ULK4: variants seen among roughly 807,000 people sequenced by gnomAD.
ULK4 encodes the protein inactive serine/threonine-protein kinase ULK4.
Under a neutral mutation model 160.6 loss-of-function variants are expected in ULK4, and 133 were observed. The ratio of observed to expected loss-of-function variants is 0.83; its 90% CI spans 0.72 to 0.96. The LOEUF is 0.96. Among genes scored for constraint, ULK4 ranks in the 40% least tolerant of loss-of-function variants. ULK4 has a pLI of 0.00. For missense variants in ULK4, 1,580 were observed against 1,499.5 expected (o/e 1.05, Z -0.89); for synonymous variants, 534 against 539.8 (o/e 0.99, Z 0.15).
chr3:41,958,490 T>G (rs1307089806), intron 1 of ULK4, among the ~76,000 whole-genome samples: 1 of 149,968 alleles, frequency 6.7e-6, no homozygotes, highest in African/African-American at 2.5e-5. Context: ...TCGCCTGAGG[T>G]CACAAGTTCA....
intron 35 of ULK4, among the ~76,000 whole-genome samples, chr3:41,288,636 A>G (rs2079506272): frequency 6.6e-6 from 1 of 152,190 alleles, no homozygotes; most frequent in African/African-American, 2.4e-5. Context: ...TCTTCTAGGA[A>G]ATACAATTTA....
At chr3:41,254,676 G>A (rs2078800581) in intron 35 of ULK4, among the ~76,000 whole-genome samples, 2 of 152,108 alleles carry the variant, frequency 1.3e-5, no homozygotes, top group Non-Finnish European at 2.9e-5. Flanking sequence ...GAGGTCAGGA[G>A]ATTGAGACCA....
At chr3:41,865,271 TAAAAAAAAAAAAAAAAAAAAA>T (rs55741060) in intron 17 of ULK4, among the ~76,000 whole-genome samples, 125 of 29,882 alleles carry the variant, frequency 4.2e-3, no homozygotes, top group Admixed American at 3.4e-3. Context: ...ACTCTGTCTT[TAAAAAAAAAAAAAAAAAAAAA>T]AAAAAAAAAA....
chr3:41,322,406 C>T (rs141873218), intron 35 of ULK4, among the ~76,000 whole-genome samples: 2 of 152,318 alleles, frequency 1.3e-5, no homozygotes, highest in African/African-American at 4.8e-5. Context: ...TTATGCCCCT[C>T]AGACAAATTT....
At chr3:41,921,355 T>C (rs1699173910) in intron 5 of ULK4, among the ~76,000 whole-genome samples, 1 of 151,996 alleles carries the variant, frequency 6.6e-6, no homozygotes, top group South Asian at 2.1e-4. Context: ...CTCACACCTG[T>C]AATCCCAGCA....
At chr3:41,634,712 T>C (rs1333940246) in intron 30 of ULK4, among the ~76,000 whole-genome samples, 1 of 152,192 alleles carries the variant, frequency 6.6e-6, no homozygotes, top group Non-Finnish European at 1.5e-5. Context: ...ACATGGAAAC[T>C]GAGTCAAGGG....
chr3:41,453,121 A>G (rs1239582941), intron 34 of ULK4, among the ~76,000 whole-genome samples: 2 of 152,296 alleles, frequency 1.3e-5, no homozygotes, highest in Non-Finnish European at 2.9e-5. Context: ...CACTAATAGA[A>G]TCTAGCTCAT....
At chr3:41,884,441 G>A (rs1469705144) in intron 16 of ULK4, among the ~76,000 whole-genome samples, 2 of 152,142 alleles carry the variant, frequency 1.3e-5, no homozygotes, top group African/African-American at 4.8e-5. Context: ...ATTGTTATTT[G>A]CATAAACACT....
At chr3:41,336,136 G>A (rs1202500726) in intron 35 of ULK4, among the ~76,000 whole-genome samples, 1 of 152,204 alleles carries the variant, frequency 6.6e-6, no homozygotes, top group African/African-American at 2.4e-5. Context: ...GTAAGTGAGA[G>A]AATGAGGGCT....
intron 34 of ULK4, among the ~76,000 whole-genome samples, chr3:41,432,935 GTA>G (rs751899983): frequency 4.0e-5 from 6 of 151,624 alleles, no homozygotes; most frequent in Non-Finnish European, 8.8e-5. Flanking sequence ...GTGGGTGACT[GTA>G]TTTATAACCC....
intron 35 of ULK4, among the ~76,000 whole-genome samples, chr3:41,289,469 AT>A (rs1319723593): frequency 6.6e-6 from 1 of 152,258 alleles, no homozygotes; most frequent in Non-Finnish European, 1.5e-5. Context: ...ATAGAGCATT[AT>A]TGAAAATATC....
rs573310042 is a variant in ULK4 at position 41,832,994 on chromosome 3, T to C, written c.1764+2870A>G. Among the ~76,000 whole-genome samples, 48 of 152,292 alleles carry C rather than the reference T, an allele frequency of 3.2e-4. No individual in the cohort carries two copies. The South Asian group carries it at 9.9e-3, about 32-fold the overall frequency. On this transcript the variant is annotated intron_variant, in intron 18 of 36. Transcript: ENST00000301831. Reference sequence around the variant, plus strand: ...TGCCTCCAGCTTTGTTCTTTTCGCTTAGGATTGTCTTGGCTATATGGGCTC... The same window carrying C: ...TGCCTCCAGCTTTGTTCTTTTCGCTCAGGATTGTCTTGGCTATATGGGCTC...
chr3:41,927,567 A>G (rs1699430091), intron 5 of ULK4, among the ~76,000 whole-genome samples: 3 of 151,624 alleles, frequency 2.0e-5, no homozygotes, highest in South Asian at 4.2e-4. Flanking sequence ...TTGAATGAAG[A>G]GTTAAGACCC....
At chr3:41,430,001 T>G (rs2082866587) in intron 34 of ULK4, among the ~76,000 whole-genome samples, 1 of 152,204 alleles carries the variant, frequency 6.6e-6, no homozygotes, top group Non-Finnish European at 1.5e-5. Context: ...GAAAAATACA[T>G]GAAATCCTCT....
At chr3:41,591,868 C>G (rs2125646606) in intron 31 of ULK4, among the ~76,000 whole-genome samples, 1 of 152,292 alleles carries the variant, frequency 6.6e-6, no homozygotes, top group Middle Eastern at 3.4e-3. Flanking sequence ...AGCCATCTCA[C>G]TAATAATAGA....
intron 18 of ULK4, among the ~76,000 whole-genome samples, chr3:41,825,538 G>C (rs147182880): frequency 6.6e-6 from 1 of 152,196 alleles, no homozygotes; most frequent in Admixed American, 6.5e-5. Context: ...TAGCCAATTC[G>C]ATCAACTGGA....
chr3:41,584,272 C>G (rs1455998453), intron 31 of ULK4, among the ~76,000 whole-genome samples: 1 of 152,110 alleles, frequency 6.6e-6, no homozygotes, highest in African/African-American at 2.4e-5. Flanking sequence ...AACTATGGAT[C>G]ATAACATTTA....
chr3:41,785,173 A>G (rs2039964483), intron 21 of ULK4, among the ~76,000 whole-genome samples: 1 of 152,318 alleles, frequency 6.6e-6, no homozygotes, highest in East Asian at 1.9e-4. Context: ...AGTAGCAACC[A>G]AAAAACAGGA....
intron 21 of ULK4, among the ~76,000 whole-genome samples, chr3:41,755,126 A>C (rs1225682101): frequency 3.3e-5 from 5 of 152,214 alleles, no homozygotes; most frequent in Non-Finnish European, 5.9e-5. Flanking sequence ...AGACACACAT[A>C]CACACACATG....
Sources: allele counts gnomAD v4.1 joint callset (sites outside exome capture counted in the v4.1 genomes callset), GRCh38; gene constraint gnomAD v4.1.1; transcripts MANE v1.5; gene names NCBI Gene and HGNC (gene_info 2026-07-23, HGNC 2026-07-21).